Variants in PIK3C3 observed in about 807,000 individuals in gnomAD.
The protein encoded by PIK3C3 is phosphatidylinositol 3-kinase catalytic subunit type 3.
PIK3C3 carries 95 observed loss-of-function variants against 126.1 expected under a neutral mutation model. The observed-to-expected ratio is 0.75, with a 90% CI of 0.64 to 0.89. The LOEUF (loss-of-function observed/expected upper bound fraction) is 0.89. PIK3C3 is among the 40% of genes least tolerant of loss of function. PIK3C3 has a pLI of 0.00. For synonymous variants in PIK3C3, 374 were observed against 360.0 expected, an observed-to-expected ratio of 1.04 and a Z score of -0.44; for missense variants, 829 against 1,063.2, an observed-to-expected ratio of 0.78 and a Z score of 3.06.
chr18:42,045,417 A>G (rs771901093), intron 20 of PIK3C3, among the ~76,000 whole-genome samples: 18 of 152,088 alleles, frequency 1.2e-4, no homozygotes, highest in Middle Eastern at 3.2e-3. Context: ...AAAATTGCAT[A>G]TCATCTAAAG....
At position 41,970,457 on chromosome 18, in the gene PIK3C3, G is replaced by A. The variant is rs1217789608; in HGVS notation, c.531+1G>A. 1.9e-6 allele frequency: 3 copies of A among 1,613,598 alleles called. No individual in the cohort carries two copies. The highest frequency in any genetic ancestry group is 2.5e-6 in the Non-Finnish European group (3 of 1,179,866). On this transcript the variant is annotated splice_donor_variant, in intron 4 of 24. Coordinates refer to ENST00000262039, the MANE Select transcript of PIK3C3 (RefSeq NM_002647.4). LOFTEE classifies it high-confidence loss of function. ...AGATCAGATGAGCCGTCTTGCCAAGGTAAAAAAAGTCATTTGGAACAGGTG... is the reference window on the plus strand; with the variant it reads ...AGATCAGATGAGCCGTCTTGCCAAGATAAAAAAAGTCATTTGGAACAGGTG...
chr18:41,964,166 T>C (rs1202346567), intron 3 of PIK3C3, among the ~76,000 whole-genome samples: 1 of 152,122 alleles, frequency 6.6e-6, no homozygotes, highest in Non-Finnish European at 1.5e-5. Flanking sequence ...GAATAGCTTT[T>C]TAGAGAAAAC....
intron 22 of PIK3C3, among the ~76,000 whole-genome samples, chr18:42,060,093 G>A (rs1023387915): frequency 6.6e-6 from 1 of 152,034 alleles, no homozygotes. Context: ...ATTTTTTAAT[G>A]TTGTATTTCA....
At chr18:42,059,144 G>A (rs946419739) in intron 22 of PIK3C3, among the ~76,000 whole-genome samples, 4 of 152,192 alleles carry the variant, frequency 2.6e-5, no homozygotes, top group Non-Finnish European at 5.9e-5. Context: ...GTTGGTCCTA[G>A]GAGACTGGTT....
Position 41,993,326 on chromosome 18 carries a change from C to T in PIK3C3, c.771C>T (p.Asp257=), listed in dbSNP as rs1395278007. ...GTTTTGAATTAGTGAAAGTTCCTGA[C>T]CCCCAGATGTCTATGGTAAGTTATT... ...LTSFELVKVP[D]PQMSMENLVE... is the part of the protein sequence containing the mutation. The change falls in exon 7 of 25, where the codon GAC becomes GAT. Residue 257 remains aspartate, a synonymous_variant. Coordinates refer to ENST00000262039, the MANE Select transcript of PIK3C3 (RefSeq NM_002647.4). 1 of 1,604,492 alleles carries T rather than the reference C, an allele frequency of 6.2e-7. No individual in the cohort carries two copies. Among genetic ancestry groups the T allele is most frequent in the Admixed American group, 1.7e-5 (1 of 59,720 alleles).
Position 42,083,999 on chromosome 18 carries a change from T to C in PIK3C3, c.*2862T>C, listed in dbSNP as rs1462929601. 6.6e-6 allele frequency: 1 copy of C among 152,174 alleles called. No homozygotes were observed. The highest frequency in any genetic ancestry group is 2.4e-5 in the African/African-American group (1 of 41,450). 9.4% of individuals were successfully genotyped at this position (152,174 alleles called of 1,614,324 possible). On this transcript the variant is annotated 3_prime_UTR_variant, in exon 25 of 25. Transcript: ENST00000262039. ...TTCTTATTTTTGGTCATGTTTTATT[T>C]TTCCATTGCTTTTAACAGGATTACC...
At chr18:41,979,100 C>T (rs1981072533) in intron 4 of PIK3C3, among the ~76,000 whole-genome samples, 1 of 147,192 alleles carries the variant, frequency 6.8e-6, no homozygotes, top group African/African-American at 2.5e-5. Flanking sequence ...GTTCACATAG[C>T]AGGCCTAAGG....
chr18:42,019,188 C>G (rs1048489060), intron 12 of PIK3C3, among the ~76,000 whole-genome samples: 2 of 152,122 alleles, frequency 1.3e-5, no homozygotes, highest in Admixed American at 1.3e-4. Context: ...TAGCTCTCTT[C>G]AAAGATGTGT....
chr18:42,066,723 A>T (rs952213166), intron 23 of PIK3C3, among the ~76,000 whole-genome samples: 4 of 152,206 alleles, frequency 2.6e-5, no homozygotes, highest in Admixed American at 2.6e-4. Context: ...TACGCACATA[A>T]ATATACATAC....
At chr18:42,048,093 C>T (rs968451115) in intron 20 of PIK3C3, among the ~76,000 whole-genome samples, 1 of 152,176 alleles carries the variant, frequency 6.6e-6, no homozygotes, top group South Asian at 2.1e-4. Flanking sequence ...CATCTAGATA[C>T]CCTTTAAGTC....
intron 3 of PIK3C3, among the ~76,000 whole-genome samples, chr18:41,964,068 A>G (rs1008271160): frequency 7.2e-5 from 11 of 152,096 alleles, no homozygotes; most frequent in African/African-American, 2.7e-4. Flanking sequence ...AGATTCTTTA[A>G]AATGGTTTCT....
intron 21 of PIK3C3, 186 bp downstream of exon 21, chr18:42,049,791 T>C: frequency 2.2e-6 from 1 of 462,754 alleles, no homozygotes. Flanking sequence ...CTGACCAACA[T>C]GGAGAAACCC....
chr18:41,978,528 A>C (rs773482660), intron 4 of PIK3C3, among the ~76,000 whole-genome samples: 2 of 152,210 alleles, frequency 1.3e-5, no homozygotes, highest in African/African-American at 2.4e-5. Context: ...ACAATTTGGC[A>C]TGGACTAAAG....
intron 1 of PIK3C3, among the ~76,000 whole-genome samples, chr18:41,956,548 CTTTT>C (rs57601171): frequency 3.0e-5 from 3 of 100,238 alleles, no homozygotes; most frequent in Admixed American, 1.2e-4. Flanking sequence ...AAACCGGTCC[CTTTT>C]TTTTTTTTTT....
intron 4 of PIK3C3, among the ~76,000 whole-genome samples, chr18:41,986,888 A>G (rs1568123023): frequency 6.6e-6 from 1 of 152,048 alleles, no homozygotes; most frequent in Non-Finnish European, 1.5e-5. Context: ...TTTATTTCTG[A>G]AATAGTATGA....
intron 24 of PIK3C3, among the ~76,000 whole-genome samples, chr18:42,076,052 G>A (rs1286395434): frequency 7.1e-6 from 1 of 140,910 alleles, no homozygotes; most frequent in African/African-American, 2.6e-5. Context: ...GATAACCCGT[G>A]TGCAGTTTCT....
intron 15 of PIK3C3, among the ~76,000 whole-genome samples, chr18:42,032,002 T>C (rs1009744513): frequency 6.6e-6 from 1 of 152,216 alleles, no homozygotes; most frequent in African/African-American, 2.4e-5. Flanking sequence ...TTATATGTTA[T>C]GGAGAAAAAT....
intron 7 of PIK3C3, among the ~76,000 whole-genome samples, chr18:41,994,725 C>T (rs1224434316): frequency 6.6e-6 from 1 of 151,906 alleles, no homozygotes; most frequent in Non-Finnish European, 1.5e-5. Flanking sequence ...CCAAATGGAT[C>T]TGTAATCTAA....
chr18:41,987,980 G>A, intron 5 of PIK3C3, 82 bp downstream of exon 5: 1 of 807,474 alleles, frequency 1.2e-6, no homozygotes, highest in Non-Finnish European at 1.9e-6. Flanking sequence ...TTATTATTAG[G>A]TATCTTACAA....
Sources: allele counts gnomAD v4.1 joint callset (sites outside exome capture counted in the v4.1 genomes callset), GRCh38; gene constraint gnomAD v4.1.1; transcripts MANE v1.5; gene names NCBI Gene and HGNC (gene_info 2026-07-23, HGNC 2026-07-21).